SKAP1: variants seen among roughly 807,000 people sequenced by gnomAD.
SKAP1 encodes the protein src kinase associated phosphoprotein 1, also known as src kinase-associated phosphoprotein 1.
SKAP1 carries 44 observed loss-of-function variants against 58.5 expected under a neutral mutation model. That is an observed-to-expected ratio of 0.75 (90% CI 0.59 to 0.97). The LOEUF (loss-of-function observed/expected upper bound fraction) is 0.97. Among genes scored for constraint, SKAP1 ranks in the 50% least tolerant of loss-of-function variants. The pLI is 0.00. For synonymous variants in SKAP1, 127 were observed against 149.7 expected (o/e 0.85, Z 1.11); for missense variants, 390 against 435.2 (o/e 0.90, Z 0.92).
At chr17:48,240,089 C>T (rs995419704) in intron 4 of SKAP1, among the ~76,000 whole-genome samples, 1 of 151,858 alleles carries the variant, frequency 6.6e-6, no homozygotes, top group Non-Finnish European at 1.5e-5. Flanking sequence ...TTCTCAGAAT[C>T]TAATAATGGC....
intron 1 of SKAP1, among the ~76,000 whole-genome samples, chr17:48,428,756 C>T (rs940554251): frequency 3.3e-4 from 50 of 152,184 alleles, no homozygotes; most frequent in African/African-American, 1.1e-3. Context: ...TACAGCCTTC[C>T]TTCACAAGCC....
intron 4 of SKAP1, among the ~76,000 whole-genome samples, chr17:48,313,793 T>C (rs1598555333): frequency 6.6e-6 from 1 of 152,118 alleles, no homozygotes; most frequent in African/African-American, 2.4e-5. Context: ...ACAGGCAATA[T>C]CAATAGAGTT....
At chr17:48,332,628 C>T (rs1236114330) in intron 4 of SKAP1, among the ~76,000 whole-genome samples, 2 of 152,086 alleles carry the variant, frequency 1.3e-5, no homozygotes, top group African/African-American at 4.8e-5. Context: ...CAAGATGCCA[C>T]ATTTTAAAAA....
chr17:48,260,184 T>A (rs2065469228), intron 4 of SKAP1, among the ~76,000 whole-genome samples: 1 of 152,048 alleles, frequency 6.6e-6, no homozygotes. Flanking sequence ...AAGAAATAAT[T>A]AGGAATTTGA....
chr17:48,216,461 C>G (rs1167896183), intron 4 of SKAP1, among the ~76,000 whole-genome samples: 1 of 151,742 alleles, frequency 6.6e-6, no homozygotes, highest in Non-Finnish European at 1.5e-5. Flanking sequence ...ACCCTATGTC[C>G]ACTTTGCACA....
intron 1 of SKAP1, among the ~76,000 whole-genome samples, chr17:48,398,656 C>T (rs2067453041): frequency 6.6e-6 from 1 of 152,056 alleles, no homozygotes; most frequent in Non-Finnish European, 1.5e-5. Flanking sequence ...ATAAGCACAC[C>T]TAAAAATTTG....
chr17:48,178,498 T>C (rs2064321518), intron 9 of SKAP1, among the ~76,000 whole-genome samples: 1 of 152,190 alleles, frequency 6.6e-6, no homozygotes, highest in Non-Finnish European at 1.5e-5. Context: ...TTCTGCACCC[T>C]GCTGTTGCAA....
chr17:48,375,710 T>C (rs1364690856), intron 2 of SKAP1, among the ~76,000 whole-genome samples: 1 of 152,208 alleles, frequency 6.6e-6, no homozygotes, highest in Admixed American at 6.5e-5. Context: ...AAATACATTA[T>C]GGCAAAATAA....
At chr17:48,340,174 C>T (rs1321856939) in intron 4 of SKAP1, among the ~76,000 whole-genome samples, 1 of 151,886 alleles carries the variant, frequency 6.6e-6, no homozygotes, top group Non-Finnish European at 1.5e-5. Context: ...AGCTAGACTC[C>T]GTCTCAAATA....
chr17:48,311,604 A>T (rs2066225723), intron 4 of SKAP1, among the ~76,000 whole-genome samples: 1 of 152,164 alleles, frequency 6.6e-6, no homozygotes, highest in East Asian at 1.9e-4. Context: ...GAACTTCTAA[A>T]TTTTACCAGG....
At chr17:48,298,429 C>G (rs1385955035) in intron 4 of SKAP1, among the ~76,000 whole-genome samples, 5 of 152,168 alleles carry the variant, frequency 3.3e-5, no homozygotes, top group African/African-American at 1.2e-4. Context: ...ATTGAATTCA[C>G]TTTCAGGAAT....
At chr17:48,143,428 C>T (rs1218206723) in intron 11 of SKAP1, among the ~76,000 whole-genome samples, 1 of 151,580 alleles carries the variant, frequency 6.6e-6, no homozygotes, top group Admixed American at 6.6e-5. Flanking sequence ...CCTAGGCTAG[C>T]CTTGAACTCC....
intron 11 of SKAP1, among the ~76,000 whole-genome samples, chr17:48,147,736 A>G (rs979605750): frequency 1.3e-5 from 2 of 152,152 alleles, no homozygotes; most frequent in Non-Finnish European, 2.9e-5. Context: ...AGGCTGTTTT[A>G]CAATCTGTTT....
At chr17:48,180,004 C>CATGA (rs1409940683) in intron 9 of SKAP1, 50 bp downstream of exon 9, 1 of 1,475,774 alleles carries the variant, frequency 6.8e-7, no homozygotes, top group Non-Finnish European at 9.1e-7. Context: ...TCCACCAGGT[C>CATGA]ATGAATTTCT....
rs55958821 is a variant in SKAP1, at chr17:48,198,454, C to CAAAAAA, written c.281-8960_281-8955dup. 2.3e-3 allele frequency among the ~76,000 whole-genome samples: 115 copies of CAAAAAA among 49,912 alleles called. 3 individuals carry two copies. Among genetic ancestry groups the CAAAAAA allele is most frequent in the South Asian group, 0.013 (12 of 928 alleles). 32.7% of individuals were successfully genotyped at this position (49,912 alleles called of 152,430 possible). A position where few individuals can be genotyped will look rare whatever the true frequency, so the allele number is the denominator to read the frequency against. On this transcript the variant is annotated intron_variant, in intron 4 of 12. Transcript: ENST00000336915. The stretch of plus-strand genomic sequence containing the variant: ...TGGGAGACACAGCGAGACTCCGTCT[C>CAAAAAA]AAAAAAAAAAAAAAAAAAAAAAAAG...
At chr17:48,159,681 G>A (rs2064041058) in intron 11 of SKAP1, among the ~76,000 whole-genome samples, 1 of 152,228 alleles carries the variant, frequency 6.6e-6, no homozygotes, top group Non-Finnish European at 1.5e-5. Context: ...TGAATAGACA[G>A]ATGGCTGGGA....
At chr17:48,160,573 A>C (rs1017663522) in intron 11 of SKAP1, among the ~76,000 whole-genome samples, 2 of 152,070 alleles carry the variant, frequency 1.3e-5, no homozygotes, top group African/African-American at 4.8e-5. Flanking sequence ...TCCATACTGC[A>C]GGACAGGTCA....
At chr17:48,316,371 C>T (rs1250102177) in intron 4 of SKAP1, among the ~76,000 whole-genome samples, 1 of 152,108 alleles carries the variant, frequency 6.6e-6, no homozygotes, top group Non-Finnish European at 1.5e-5. Context: ...TCTGCTATTC[C>T]CTGTGTCTGG....
intron 2 of SKAP1, among the ~76,000 whole-genome samples, chr17:48,377,099 C>T (rs1415805728): frequency 1.3e-5 from 2 of 152,122 alleles, no homozygotes; most frequent in Admixed American, 6.6e-5. Context: ...ACCTGAGAGC[C>T]TCTCTTTTCT....
Sources: gnomAD v4.1 joint callset for allele counts (sites outside exome capture counted in the v4.1 genomes callset) on GRCh38, gnomAD v4.1.1 for gene constraint, MANE v1.5 for transcripts, NCBI Gene and HGNC (gene_info 2026-07-23, HGNC 2026-07-21) for gene names.